Variants in SLC35D4 observed in about 807,000 individuals in gnomAD.
The protein encoded by SLC35D4 is solute carrier family 35 member D4, also known as UDP-N-acetylglucosamine transporter SLC35D4.
At chr18:23,258,300 C>T in the SLC35D4 span, 1 of 152,650 alleles carries the variant, frequency 6.6e-6, no homozygotes, top group Non-Finnish European at 1.5e-5. Flanking sequence ...ATCAGAAGCA[C>T]ATTTACTGTG....
At chr18:23,356,302 T>C in the SLC35D4 span, among the ~76,000 whole-genome samples, 1 of 152,146 alleles carries the variant, frequency 6.6e-6, no homozygotes, top group Non-Finnish European at 1.5e-5. This position sits in a 1 kb window ranked among gnomAD's most constrained non-coding sequence, Gnocchi z 4.1. Context: ...GATTTGCTTG[T>C]GGAGGAGGAA....
chr18:23,356,743 G>A, the SLC35D4 span: 21 of 1,357,676 alleles, frequency 1.5e-5, no homozygotes, highest in Non-Finnish European at 1.0e-6. This position sits in a 1 kb window ranked among gnomAD's most constrained non-coding sequence, Gnocchi z 4.1. Context: ...GGAAATGCAA[G>A]GAAGGCGTCT....
At chr18:23,311,932 T>A in the SLC35D4 span, among the ~76,000 whole-genome samples, 1 of 152,178 alleles carries the variant, frequency 6.6e-6, no homozygotes, top group Admixed American at 6.5e-5. Flanking sequence ...CCAATGGAGA[T>A]GTATTTCTTG....
At chr18:23,291,186 G>A in the SLC35D4 span, among the ~76,000 whole-genome samples, 1 of 152,212 alleles carries the variant, frequency 6.6e-6, no homozygotes, top group East Asian at 1.9e-4. Context: ...GACAGCGTCT[G>A]GGCTGAGGTC....
At chr18:23,314,953 A>G in the SLC35D4 span, among the ~76,000 whole-genome samples, 1 of 152,220 alleles carries the variant, frequency 6.6e-6, no homozygotes, top group African/African-American at 2.4e-5. Flanking sequence ...AAAGCAGATC[A>G]GGTTTGTTTT....
the SLC35D4 span, among the ~76,000 whole-genome samples, chr18:23,328,150 G>A: frequency 6.6e-6 from 1 of 152,262 alleles, no homozygotes; most frequent in Non-Finnish European, 1.5e-5. Flanking sequence ...GCACAAGACA[G>A]GGATGCCCTC....
the SLC35D4 span, among the ~76,000 whole-genome samples, chr18:23,284,251 G>C: frequency 6.6e-6 from 1 of 152,090 alleles, no homozygotes; most frequent in Non-Finnish European, 1.5e-5. Context: ...GACTAAGAAT[G>C]CCTGGCCTCC....
chr18:23,279,065 G>A, the SLC35D4 span, among the ~76,000 whole-genome samples: 3 of 151,996 alleles, frequency 2.0e-5, no homozygotes, highest in African/African-American at 7.2e-5. Context: ...GTTGGAGGTG[G>A]GTCGTCTGGC....
chr18:23,286,750 C>T, the SLC35D4 span, among the ~76,000 whole-genome samples: 3 of 152,218 alleles, frequency 2.0e-5, no homozygotes, highest in African/African-American at 4.8e-5. Context: ...ACTCTGGTGC[C>T]AACTTAGACA....
chr18:23,313,126 CAAAAAAAAAAAAAAAAA>C, the SLC35D4 span, among the ~76,000 whole-genome samples: 10 of 29,472 alleles, frequency 3.4e-4, no homozygotes, highest in Admixed American at 7.2e-4. Flanking sequence ...GACTACATCT[CAAAAAAAAAAAAAAAAA>C]AAAAAAAAAA....
the SLC35D4 span, among the ~76,000 whole-genome samples, chr18:23,267,701 C>T: frequency 6.6e-6 from 1 of 152,298 alleles, no homozygotes; most frequent in East Asian, 1.9e-4. Flanking sequence ...ATCTGGGGTC[C>T]CCTGCCCCAT....
the SLC35D4 span, among the ~76,000 whole-genome samples, chr18:23,327,654 T>C: frequency 1.3e-5 from 2 of 152,124 alleles, no homozygotes; most frequent in African/African-American, 2.4e-5. Flanking sequence ...CTTCTGAAAC[T>C]ATTCCAATCA....
chr18:23,408,758 A>T, the SLC35D4 span, among the ~76,000 whole-genome samples: 1 of 152,140 alleles, frequency 6.6e-6, no homozygotes, highest in African/African-American at 2.4e-5. Context: ...ACAGACATGA[A>T]CTTAAACTTA....
the SLC35D4 span, among the ~76,000 whole-genome samples, chr18:23,392,368 T>C: frequency 6.6e-6 from 1 of 152,348 alleles, no homozygotes; most frequent in East Asian, 1.9e-4. Context: ...TATGTGCACA[T>C]TTAAGTGAAT....
chr18:23,252,922 G>T, the SLC35D4 span: 3 of 1,386,846 alleles, frequency 2.2e-6, no homozygotes, highest in South Asian at 2.3e-5. Context: ...TACGACCCTT[G>T]TTTTAAGGAG....
the SLC35D4 span, among the ~76,000 whole-genome samples, chr18:23,289,861 C>G: frequency 6.6e-6 from 1 of 152,158 alleles, no homozygotes; most frequent in Admixed American, 6.5e-5. Context: ...GTGACCCCCA[C>G]TCCTGCCTGC....
At chr18:23,424,348 C>T in the SLC35D4 span, among the ~76,000 whole-genome samples, 15 of 152,254 alleles carry the variant, frequency 9.9e-5, no homozygotes, top group Middle Eastern at 3.4e-3. Context: ...GATCTGTTTC[C>T]TTCACTGATG....
At chr18:23,284,602 G>C in the SLC35D4 span, among the ~76,000 whole-genome samples, 1 of 152,190 alleles carries the variant, frequency 6.6e-6, no homozygotes, top group Non-Finnish European at 1.5e-5. Context: ...AAACCAAACT[G>C]TAACCCAACT....
the SLC35D4 span, among the ~76,000 whole-genome samples, chr18:23,380,804 A>ATGTGTG: frequency 2.6e-5 from 4 of 150,982 alleles, no homozygotes; most frequent in East Asian, 5.8e-4. Flanking sequence ...GTATGTGTGC[A>ATGTGTG]TGAGTGTGTG....
Sources: gnomAD v4.1 joint callset for allele counts (sites outside exome capture counted in the v4.1 genomes callset) on GRCh38, gnomAD v4.1.1 for gene constraint, Gnocchi (gnomAD v3.1) non-coding constraint, MANE v1.5 for transcripts, NCBI Gene and HGNC (gene_info 2026-07-23, HGNC 2026-07-21) for gene names.